GRID2IP: variants seen among roughly 807,000 people sequenced by gnomAD.
GRID2IP encodes the protein delphilin.
In GRID2IP, 78 loss-of-function variants were observed where a neutral mutation model predicts 114.3. The ratio of observed to expected loss-of-function variants is 0.68; its 90% CI spans 0.57 to 0.82. GRID2IP has a LOEUF of 0.82. Among genes scored for constraint, GRID2IP ranks in the 40% least tolerant of loss-of-function variants. GRID2IP has a pLI of 0.00. For missense variants in GRID2IP, 1,727 were observed against 1,678.5 expected, an observed-to-expected ratio of 1.03 and a Z score of -0.51; for synonymous variants, 809 against 724.0, an observed-to-expected ratio of 1.12 and a Z score of -1.89.
intron 2 of GRID2IP, among the ~76,000 whole-genome samples, chr7:6,530,224 C>T (rs1418555021): frequency 6.6e-6 from 1 of 152,024 alleles, no homozygotes; most frequent in Non-Finnish European, 1.5e-5. Flanking sequence ...TCCCAAAGTG[C>T]TGGGATTACA....
chr7:6,512,231 C>CTTTTTT (rs1002835555), intron 8 of GRID2IP, among the ~76,000 whole-genome samples: 1,537 of 90,094 alleles, frequency 0.017, 130 homozygotes, highest in Non-Finnish European at 0.023. Flanking sequence ...TTCTTTTCTT[C>CTTTTTT]TTTTTTTTTT....
chr7:6,504,354 G>A (rs891800131), intron 15 of GRID2IP, among the ~76,000 whole-genome samples: 4 of 151,490 alleles, frequency 2.6e-5, no homozygotes, highest in Admixed American at 1.3e-4. Flanking sequence ...ACCGAATGGA[G>A]GGGACAAGGA....
Position 6,551,166 on chromosome 7 carries a change from G to T in GRID2IP, c.271C>A (p.Pro91Thr). The T allele has an allele frequency of 1.5e-6, 2 of 1,357,658 alleles. No individual in the cohort carries two copies. Among genetic ancestry groups the T allele is most frequent in the Non-Finnish European group, 1.9e-6 (2 of 1,063,194 alleles). 84.1% of individuals were successfully genotyped at this position (1,357,658 alleles called of 1,614,324 possible). A position where few individuals can be genotyped will look rare whatever the true frequency, so the allele number is the denominator to read the frequency against. ...VLPAPDGGPGPGSGPAAPTTV... is the reference protein window; with the variant it reads ...VLPAPDGGPGTGSGPAAPTTV... ...GTCGGGGCCGCGGGGCCGGATCCTG[G>T]GCCGGGGCCACCGTCGGGAGCCGGG... Residue 91 changes from proline (P) to threonine (T), a missense_variant, in exon 1 of 22, where the codon CCA becomes ACA. By Grantham distance (38) the Pro-to-Thr change is conservative. Transcript: ENST00000457091.
chr7:6,537,295 G>C (rs894779344), intron 2 of GRID2IP, among the ~76,000 whole-genome samples: 1 of 148,692 alleles, frequency 6.7e-6, no homozygotes, highest in African/African-American at 2.5e-5. Context: ...TGTAATCCCA[G>C]CATTTTGGGA....
At chr7:6,524,166 G>A (rs183223686) in intron 4 of GRID2IP, among the ~76,000 whole-genome samples, 84 of 151,932 alleles carry the variant, frequency 5.5e-4, no homozygotes, top group East Asian at 3.9e-4. Context: ...TTGTAAAAGC[G>A]TCCATCTAAG....
At chr7:6,504,335 A>C (rs1786512001) in intron 15 of GRID2IP, among the ~76,000 whole-genome samples, 1 of 128,714 alleles carries the variant, frequency 7.8e-6, no homozygotes, top group Non-Finnish European at 1.6e-5. Flanking sequence ...CTTCGGCTAC[A>C]GGGAGGAGAC....
Position 6,526,249 on chromosome 7 carries a change from A to G in GRID2IP, c.894T>C (p.Pro298=). Residue 298 remains proline, a synonymous_variant, in exon 4 of 22, where the codon CCT becomes CCC. Transcript: ENST00000457091. This position sits in a 1 kb window ranked among gnomAD's most constrained non-coding sequence, Gnocchi z 7.6. The stretch of plus-strand genomic sequence containing the variant: ...CAGGCAGGACAGACTCGATCCAGAC[A>G]GGCCCGTGGCCGCGAAGTGTGAAGC... ...SFGFTLRGHG[P]VWIESVLPGS... 6.4e-7 allele frequency: 1 copy of G among 1,551,968 alleles called. No individual in the cohort carries two copies.
At position 6,521,834 on chromosome 7, in the gene GRID2IP, CA is replaced by C; in HGVS notation, c.989+53del. 1 of 1,357,574 alleles carries C rather than the reference CA, an allele frequency of 7.4e-7. No individual in the cohort carries two copies. The highest frequency in any genetic ancestry group is 1.0e-6 in the Non-Finnish European group (1 of 971,686). The allele number at this position is 1,357,574 out of a possible 1,614,324, so 84.1% of individuals were successfully genotyped here. A position where few individuals can be genotyped will look rare whatever the true frequency, so the allele number is the denominator to read the frequency against. On this transcript the variant is annotated intron_variant, in intron 5 of 21. Coordinates refer to ENST00000457091, the MANE Select transcript of GRID2IP (RefSeq NM_001145118.2). This position sits in a 1 kb window ranked among gnomAD's most constrained non-coding sequence, Gnocchi z 4.1. ...GGTGCCCCAAGAGGCAGGAGTCTTG[CA>C]GGGGGTGGGGGCAGCTCCTCACCAA... is the stretch of plus-strand genomic sequence containing the variant.
At chr7:6,537,565 G>C (rs1163023606) in intron 2 of GRID2IP, among the ~76,000 whole-genome samples, 5 of 150,894 alleles carry the variant, frequency 3.3e-5, no homozygotes, top group East Asian at 2.0e-4. Flanking sequence ...TTTTAGTAGA[G>C]ATGGGGGTTT....
At chr7:6,524,703 G>A (rs1779475695) in intron 4 of GRID2IP, among the ~76,000 whole-genome samples, 1 of 151,352 alleles carries the variant, frequency 6.6e-6, no homozygotes, top group South Asian at 2.1e-4. Flanking sequence ...CTGGGTGACA[G>A]AGGGAGACCT....
At chr7:6,544,967 G>C (rs1779866167) in intron 1 of GRID2IP, among the ~76,000 whole-genome samples, 1 of 152,024 alleles carries the variant, frequency 6.6e-6, no homozygotes, top group African/African-American at 2.4e-5. Context: ...GGCGCCTGTA[G>C]TCCCAGCTAC....
At chr7:6,548,968 C>T (rs986061252) in intron 1 of GRID2IP, among the ~76,000 whole-genome samples, 1 of 152,072 alleles carries the variant, frequency 6.6e-6, no homozygotes. Flanking sequence ...GTCTTGGCTC[C>T]GGACTATTTC....
rs373047517 is a variant in GRID2IP, at chr7:6,514,404, G to A, written c.1394C>T (p.Ala465Val). 2 of 1,541,950 alleles carry A rather than the reference G, an allele frequency of 1.3e-6. No homozygotes were observed. Among genetic ancestry groups the A allele is most frequent in the South Asian group, 1.2e-5 (1 of 83,426 alleles). The change falls in exon 8 of 22, where the codon GCA becomes GTA. Residue 465 changes from alanine (A) to valine (V), a missense_variant. Coordinates refer to ENST00000457091, the MANE Select transcript of GRID2IP (RefSeq NM_001145118.2). Reference sequence around the variant, plus strand: ...CATGGCCGTGTAGCCCAGGAAGCATGCGATTTTCTCCTGACAGAGCTCCTG... The same window carrying A: ...CATGGCCGTGTAGCCCAGGAAGCATACGATTTTCTCCTGACAGAGCTCCTG... The part of the protein sequence containing the change: ...EEQELCQEKI[A>V]CFLGYTAMTA...
rs1786290685 is a variant in GRID2IP at position 6,497,623 on chromosome 7, A to ACCACAGCT, written c.*143_*150dup. 13 of 582,876 alleles carry ACCACAGCT rather than the reference A, an allele frequency of 2.2e-5. No individual in the cohort carries two copies. In the South Asian group the frequency reaches 2.8e-4, roughly 13 times the overall value. 36.1% of individuals were successfully genotyped at this position (582,876 alleles called of 1,614,324 possible). Reference sequence around the variant, plus strand: ...ACAAGGGCTGGCAGAGGAGGGCCCGACCACAGCTCGGCGGCTGAGGTAGCT... The same window carrying ACCACAGCT: ...ACAAGGGCTGGCAGAGGAGGGCCCGACCACAGCTCCACAGCTCGGCGGCTGAGGTAGCT... On this transcript the variant is annotated 3_prime_UTR_variant, in exon 22 of 22. Coordinates refer to ENST00000457091, the MANE Select transcript of GRID2IP (RefSeq NM_001145118.2).
intron 15 of GRID2IP, 63 bp from the exon 16 acceptor site, chr7:6,503,750 C>CGGAGAGGGCAGGGCAGAGGCGG: frequency 7.9e-7 from 1 of 1,259,314 alleles, no homozygotes; most frequent in Admixed American, 3.1e-5. Context: ...GGACCCAAGA[C>CGGAGAGGGCAGGGCAGAGGCGG]GGAGAGGGCA....
chr7:6,502,232 C>A (rs1321469975), intron 18 of GRID2IP, 114 bp from the exon 19 acceptor site: 4 of 980,744 alleles, frequency 4.1e-6, no homozygotes, highest in East Asian at 5.5e-5. Context: ...GGCGCCCCCA[C>A]TTTTTTTTTA....
chr7:6,518,211 CAG>C (rs1023213746), intron 7 of GRID2IP, among the ~76,000 whole-genome samples: 15 of 151,968 alleles, frequency 9.9e-5, no homozygotes, highest in African/African-American at 3.6e-4. Flanking sequence ...GCTTGGGTGA[CAG>C]AGTGAGACCC....
Position 6,508,359 on chromosome 7 carries a change from G to A in GRID2IP, c.2170C>T (p.Arg724Trp), listed in dbSNP as rs776704918. 42 of 1,551,460 alleles carry A rather than the reference G, an allele frequency of 2.7e-5. No individual in the cohort carries two copies. Among genetic ancestry groups the A allele is most frequent in the South Asian group, 2.0e-4 (17 of 84,066 alleles). Residue 724 changes from arginine (R) to tryptophan (W), a missense_variant, in exon 13 of 22, where the codon CGG becomes TGG. Physicochemically the swap from Arg to Trp is moderately radical, Grantham distance 101. Coordinates refer to ENST00000457091, the MANE Select transcript of GRID2IP (RefSeq NM_001145118.2). This position sits in a 1 kb window ranked among gnomAD's most constrained non-coding sequence, Gnocchi z 5.6. ...DDQGSFVTNERSSASDCISSS... is the reference protein window; with the variant it reads ...DDQGSFVTNEWSSASDCISSS... ...CTGATGCAGTCGCTGGCGCTGCTCCGCTCATTGGTTACGAAGCTGCCCTGG... is the reference window on the plus strand; with the variant it reads ...CTGATGCAGTCGCTGGCGCTGCTCCACTCATTGGTTACGAAGCTGCCCTGG...
Position 6,514,517 on chromosome 7 carries a change from G to T in GRID2IP, c.1281C>A (p.Thr427=). The T allele has an allele frequency of 6.6e-7, 1 of 1,525,166 alleles. No individual in the cohort carries two copies. 94.5% of individuals were successfully genotyped at this position (1,525,166 alleles called of 1,614,324 possible). A position where few individuals can be genotyped will look rare whatever the true frequency, so the allele number is the denominator to read the frequency against. ...ESFFQHRNID[T]LIVDVYPVLD... ...GCACAGGGTAGACGTCAACGATGAG[G>T]GTGTCGATGTTCCTGGGGGAAGGTG... Residue 427 remains threonine (T), a synonymous_variant, in exon 8 of 22, where the codon ACC becomes ACA. Coordinates refer to ENST00000457091, the MANE Select transcript of GRID2IP (RefSeq NM_001145118.2).
Sources: allele counts gnomAD v4.1 joint callset (sites outside exome capture counted in the v4.1 genomes callset), GRCh38; gene constraint gnomAD v4.1.1; non-coding constraint Gnocchi (gnomAD v3.1); transcripts MANE v1.5; gene names NCBI Gene and HGNC (gene_info 2026-07-23, HGNC 2026-07-21).